Variants in KAZN observed in about 807,000 individuals in gnomAD.
The protein encoded by KAZN is kazrin, periplakin interacting protein.
KAZN carries 40 observed loss-of-function variants against 87.4 expected under a neutral mutation model. The observed-to-expected ratio is 0.46, with a 90% confidence interval of 0.36 to 0.60. The LOEUF (loss-of-function observed/expected upper bound fraction) is 0.60, where lower values mean the gene tolerates loss of function less well. Ranked by LOEUF, KAZN falls within the 20% of genes least tolerant of loss-of-function variation. KAZN has a pLI of 0.00. For missense variants in KAZN, 898 were observed against 1,073.9 expected, an observed-to-expected ratio of 0.84 and a Z score of 2.29; for synonymous variants, 466 against 458.3, an observed-to-expected ratio of 1.02 and a Z score of -0.22.
chr1:14,469,692 T>C (rs1432416926), intron 2 of KAZN, among the ~76,000 whole-genome samples: 1 of 152,166 alleles, frequency 6.6e-6, no homozygotes, highest in Non-Finnish European at 1.5e-5. Context: ...AGGTATATTT[T>C]CCCTTGAACA....
intron 2 of KAZN, among the ~76,000 whole-genome samples, chr1:14,491,642 T>C (rs945962047): frequency 6.6e-6 from 1 of 152,208 alleles, no homozygotes; most frequent in Non-Finnish European, 1.5e-5. Context: ...TTAAGTGGAC[T>C]TGCATTCCTA....
chr1:14,519,759 T>C lies in KAZN; in HGVS notation c.250-79224T>C, dbSNP rs116580658. Among the ~76,000 whole-genome samples the C allele has an allele frequency of 2.6e-3, 392 of 152,244 alleles. 1 individual carries two copies. Among genetic ancestry groups the C allele is most frequent in the Non-Finnish European group, 4.6e-3 (310 of 68,012 alleles). On this transcript the variant is annotated intron_variant, in intron 2 of 16. Coordinates refer to the KAZN transcript ENST00000636203. ...AGAGACTTTGGGGGATTCCAGCCCA[T>C]GGATGACCTGAGAGATGCAGGAGGA...
intron 2 of KAZN, among the ~76,000 whole-genome samples, chr1:14,385,165 C>T (rs1305206649): frequency 6.6e-6 from 1 of 151,866 alleles, no homozygotes; most frequent in Middle Eastern, 3.2e-3. Context: ...TGGTGATAAC[C>T]CCTTTATCAT....
rs1656442433 is a variant in KAZN at position 14,905,677 on chromosome 1, CTACCAAAAA to C, written c.227-55003_227-54995del. 2.0e-5 allele frequency among the ~76,000 whole-genome samples: 3 copies of C among 151,286 alleles called. No individual in the cohort carries two copies. In the Admixed American group the frequency reaches 2.0e-4, roughly 10 times the overall value. On this transcript the variant is annotated intron_variant, in intron 1 of 14. Transcript: ENST00000376030. ...TGGCCAACATGGTGAAAACCCGTCT[CTACCAAAAA>C]TACAAAAATTAGCTGGGCATGGTGG...
At chr1:14,024,607 G>C (rs1640988298) in intron 1 of KAZN, among the ~76,000 whole-genome samples, 1 of 152,198 alleles carries the variant, frequency 6.6e-6, no homozygotes, top group Admixed American at 6.5e-5. Context: ...TGTTGCCTGG[G>C]TGCACAGCAC....
At chr1:14,445,653 A>T (rs746608639) in intron 2 of KAZN, among the ~76,000 whole-genome samples, 3 of 152,114 alleles carry the variant, frequency 2.0e-5, no homozygotes, top group Non-Finnish European at 4.4e-5. Context: ...CTGGCTGGTG[A>T]TTAGGAAAGT....
chr1:14,641,077 C>G (rs980049688), intron 1 of KAZN, among the ~76,000 whole-genome samples: 2 of 152,162 alleles, frequency 1.3e-5, no homozygotes, highest in African/African-American at 2.4e-5. Flanking sequence ...AGTCCTGGGT[C>G]ATTCATTTGC....
chr1:13,913,927 A>T (rs1343782295), intron 1 of KAZN, among the ~76,000 whole-genome samples: 1 of 152,194 alleles, frequency 6.6e-6, no homozygotes, highest in East Asian at 1.9e-4. Context: ...GGATCCTTGG[A>T]CCAGCATCAC....
chr1:14,153,636 G>T (rs1645525035), intron 1 of KAZN, among the ~76,000 whole-genome samples: 1 of 152,076 alleles, frequency 6.6e-6, no homozygotes, highest in Non-Finnish European at 1.5e-5. Context: ...AATTAGCCAG[G>T]CATGGTGGTG....
At chr1:14,234,193 T>C (rs1648150680) in intron 2 of KAZN, among the ~76,000 whole-genome samples, 1 of 152,124 alleles carries the variant, frequency 6.6e-6, no homozygotes, top group Admixed American at 6.5e-5. Flanking sequence ...ATGTGGAACA[T>C]ATATACCATG....
intron 1 of KAZN, among the ~76,000 whole-genome samples, chr1:13,965,588 C>T (rs1214667105): frequency 6.6e-6 from 1 of 152,162 alleles, no homozygotes; most frequent in Non-Finnish European, 1.5e-5. Context: ...ATTGCTATTT[C>T]CCAGCAAGAC....
chr1:14,571,760 G>A (rs562194089), intron 2 of KAZN, among the ~76,000 whole-genome samples: 1 of 152,302 alleles, frequency 6.6e-6, no homozygotes, highest in Non-Finnish European at 1.5e-5. Context: ...AGATTCCATA[G>A]AGATTTACCC....
intron 1 of KAZN, among the ~76,000 whole-genome samples, chr1:14,914,246 C>T (rs1336114320): frequency 6.6e-6 from 1 of 152,212 alleles, no homozygotes; most frequent in Non-Finnish European, 1.5e-5. Context: ...CTTTGAGAAC[C>T]GCTGCCCTAG....
intron 2 of KAZN, among the ~76,000 whole-genome samples, chr1:14,238,548 ACAAG>A (rs1242091956): frequency 6.6e-6 from 1 of 152,246 alleles, no homozygotes; most frequent in African/African-American, 2.4e-5. Flanking sequence ...TAACAAACAA[ACAAG>A]CAACAACACG....
chr1:14,494,287 C>T lies in KAZN; in HGVS notation c.250-104696C>T, dbSNP rs1204024947. Among the ~76,000 whole-genome samples the T allele has an allele frequency of 1.4e-4, 21 of 152,236 alleles. No individual in the cohort carries two copies. In the South Asian group the frequency reaches 4.2e-3, roughly 30 times the overall value. ...ACAAGTGCCATAAATAAGATGTGGG[C>T]AGGGTTATAGCACAGTGTATAGTAT... On this transcript the variant is annotated intron_variant, in intron 2 of 16. Coordinates refer to the KAZN transcript ENST00000636203.
chr1:14,775,000 A>G (rs1372954327), intron 1 of KAZN, among the ~76,000 whole-genome samples: 1 of 152,190 alleles, frequency 6.6e-6, no homozygotes, highest in Non-Finnish European at 1.5e-5. Flanking sequence ...TGGAGCTCCC[A>G]GGCCTGGGAA....
intron 2 of KAZN, among the ~76,000 whole-genome samples, chr1:14,251,362 A>C (rs1485756179): frequency 1.3e-5 from 2 of 152,184 alleles, no homozygotes; most frequent in Non-Finnish European, 2.9e-5. Flanking sequence ...TTGTCCTTGC[A>C]CCATCTCCAG....
intron 2 of KAZN, among the ~76,000 whole-genome samples, chr1:14,207,297 G>C (rs564971319): frequency 6.6e-6 from 1 of 151,994 alleles, no homozygotes; most frequent in African/African-American, 2.4e-5. Flanking sequence ...TAAATTGCTC[G>C]GGTGATGTTA....
chr1:14,249,199 T>C (rs1187488653), intron 2 of KAZN, among the ~76,000 whole-genome samples: 1 of 152,210 alleles, frequency 6.6e-6, no homozygotes, highest in East Asian at 1.9e-4. Flanking sequence ...TTCTACACCA[T>C]TAAACTTTGA....
Sources: gnomAD v4.1 joint callset for allele counts (sites outside exome capture counted in the v4.1 genomes callset) on GRCh38, gnomAD v4.1.1 for gene constraint, MANE v1.5 for transcripts, NCBI Gene and HGNC (gene_info 2026-07-23, HGNC 2026-07-21) for gene names.